Variants in ASTN2 observed in about 807,000 individuals in gnomAD.
ASTN2 encodes the protein astrotactin-2.
In ASTN2, 54 loss-of-function variants were observed where a neutral mutation model predicts 139.8. That is an observed-to-expected ratio of 0.39 (90% CI 0.31 to 0.48). ASTN2 has a LOEUF of 0.48. ASTN2 is among the 20% of genes least tolerant of loss of function. The probability of loss-of-function intolerance (pLI) is 0.95; values close to 1 mark genes in which losing one functional copy is unlikely to be tolerated. For missense variants in ASTN2, 1,565 were observed against 1,725.1 expected (o/e 0.91, Z 1.64); for synonymous variants, 756 against 719.5 (o/e 1.05, Z -0.81).
intron 20 of ASTN2, among the ~76,000 whole-genome samples, chr9:116,482,049 G>A (rs1849186237): frequency 6.6e-6 from 1 of 152,154 alleles, no homozygotes; most frequent in Non-Finnish European, 1.5e-5. Flanking sequence ...CTACCCGGCC[G>A]GGCACAGTGG....
intron 19 of ASTN2, among the ~76,000 whole-genome samples, chr9:116,579,370 G>A (rs1853856426): frequency 1.3e-5 from 2 of 152,184 alleles, no homozygotes; most frequent in South Asian, 2.1e-4. Flanking sequence ...TTGATGGTTA[G>A]CCTAGCTCAT....
At chr9:117,181,314 A>T in intron 3 of ASTN2, 1 of 409,730 alleles carries the variant, frequency 2.4e-6, no homozygotes, top group South Asian at 2.6e-5. Flanking sequence ...AACTTGCCCC[A>T]GGTCAAAGAG....
intron 17 of ASTN2, among the ~76,000 whole-genome samples, chr9:116,621,280 C>T (rs934980474): frequency 3.3e-5 from 5 of 152,140 alleles, no homozygotes; most frequent in Non-Finnish European, 5.9e-5. Context: ...GGTTGTGTTC[C>T]TATAAAACTT....
At chr9:117,246,999 A>G (rs917665120) in intron 2 of ASTN2, among the ~76,000 whole-genome samples, 1 of 152,200 alleles carries the variant, frequency 6.6e-6, no homozygotes, top group East Asian at 1.9e-4. Context: ...GGGATTTTGA[A>G]CAGAAAAGCA....
chr9:116,599,239 A>C (rs1247052978), intron 19 of ASTN2, among the ~76,000 whole-genome samples: 1 of 152,220 alleles, frequency 6.6e-6, no homozygotes, highest in African/African-American at 2.4e-5. Context: ...ATTTTCCAGC[A>C]GAAGCCAGGA....
intron 4 of ASTN2, among the ~76,000 whole-genome samples, chr9:117,134,804 G>A (rs1321635531): frequency 1.3e-5 from 2 of 152,142 alleles, no homozygotes; most frequent in Non-Finnish European, 1.5e-5. Context: ...AATAAATGGT[G>A]AAGTACTGGT....
chr9:116,509,902 A>G (rs1587908138), intron 19 of ASTN2, among the ~76,000 whole-genome samples: 2 of 152,282 alleles, frequency 1.3e-5, no homozygotes, highest in East Asian at 3.9e-4. Context: ...GATTCTGGAT[A>G]TTAGTCCTTT....
chr9:116,623,507 T>C (rs1856280907), intron 17 of ASTN2, among the ~76,000 whole-genome samples: 1 of 152,132 alleles, frequency 6.6e-6, no homozygotes, highest in Non-Finnish European at 1.5e-5. Flanking sequence ...TTACCTCTTC[T>C]GTCCTTGCAA....
chr9:117,113,345 T>C (rs1037720822), intron 4 of ASTN2, among the ~76,000 whole-genome samples: 5 of 152,102 alleles, frequency 3.3e-5, no homozygotes, highest in African/African-American at 1.2e-4. Context: ...ATCCACCAAC[T>C]GGTTGGCAGA....
intron 6 of ASTN2, among the ~76,000 whole-genome samples, chr9:117,031,311 A>T (rs991298612): frequency 3.9e-5 from 6 of 152,144 alleles, no homozygotes; most frequent in Admixed American, 2.0e-4. Flanking sequence ...TTTTTTACAG[A>T]CACAATTTCT....
intron 1 of ASTN2, among the ~76,000 whole-genome samples, chr9:117,413,155 C>T (rs1331731468): frequency 6.6e-6 from 1 of 152,236 alleles, no homozygotes; most frequent in East Asian, 1.9e-4. Flanking sequence ...CTCAAATCCC[C>T]AGAGGTGGTA....
At chr9:116,897,674 TATGTG>T (rs1245802062) in intron 10 of ASTN2, among the ~76,000 whole-genome samples, 1 of 152,064 alleles carries the variant, frequency 6.6e-6, no homozygotes, top group African/African-American at 2.4e-5. Context: ...ACTGAATCTA[TATGTG>T]TCACCATGAA....
intron 6 of ASTN2, among the ~76,000 whole-genome samples, chr9:117,029,881 C>A (rs1838198014): frequency 1.3e-5 from 2 of 152,076 alleles, no homozygotes; most frequent in Non-Finnish European, 2.9e-5. Context: ...TTTCTTTATA[C>A]ATATTAAAGC....
At chr9:117,021,038 G>A (rs1837863803) in intron 6 of ASTN2, among the ~76,000 whole-genome samples, 2 of 152,070 alleles carry the variant, frequency 1.3e-5, no homozygotes, top group African/African-American at 4.8e-5. Context: ...CTCCTTAGTA[G>A]CTGGGACTAC....
chr9:117,233,898 A>C (rs886963730), intron 2 of ASTN2, among the ~76,000 whole-genome samples: 2 of 152,180 alleles, frequency 1.3e-5, no homozygotes, highest in Admixed American at 6.5e-5. Context: ...CTCATAAAAA[A>C]TATATAGGTT....
chr9:117,211,357 G>T (rs574238624), intron 3 of ASTN2, among the ~76,000 whole-genome samples: 1 of 152,320 alleles, frequency 6.6e-6, no homozygotes, highest in Middle Eastern at 3.4e-3. Flanking sequence ...AAGGTTGGGG[G>T]AGAGAACTGG....
intron 4 of ASTN2, among the ~76,000 whole-genome samples, chr9:117,132,892 G>C (rs1355260657): frequency 2.6e-5 from 4 of 152,258 alleles, no homozygotes; most frequent in Non-Finnish European, 2.9e-5. Flanking sequence ...TTTAAAGAAG[G>C]ATTTCCATAA....
intron 17 of ASTN2, among the ~76,000 whole-genome samples, chr9:116,648,065 G>T (rs1173738084): frequency 6.6e-6 from 1 of 150,828 alleles, no homozygotes; most frequent in South Asian, 2.1e-4. Context: ...GCAATGGTGC[G>T]ATCTTGGCTC....
chr9:116,755,677 G>T (rs1829514064), intron 13 of ASTN2, among the ~76,000 whole-genome samples: 1 of 152,208 alleles, frequency 6.6e-6, no homozygotes, highest in African/African-American at 2.4e-5. Context: ...TGTGGCAAAA[G>T]GGACTTTGCA....
Sources: gnomAD v4.1 joint callset for allele counts (sites outside exome capture counted in the v4.1 genomes callset) on GRCh38, gnomAD v4.1.1 for gene constraint, MANE v1.5 for transcripts, NCBI Gene and HGNC (gene_info 2026-07-23, HGNC 2026-07-21) for gene names.